The following CRIM1 variants were observed in gnomAD, a reference collection of about 807,000 sequenced individuals.
The protein encoded by CRIM1 is cysteine-rich motor neuron 1 protein.
In CRIM1, 32 loss-of-function variants were observed where a neutral mutation model predicts 116.4. The ratio of observed to expected loss-of-function variants is 0.27; its 90% CI spans 0.21 to 0.37. The LOEUF (loss-of-function observed/expected upper bound fraction) is 0.37, where lower values mean the gene tolerates loss of function less well. Ranked by LOEUF, CRIM1 falls within the 10% of genes least tolerant of loss-of-function variation. The pLI is 1.00. For synonymous variants in CRIM1, 590 were observed against 509.2 expected, an observed-to-expected ratio of 1.16 and a Z score of -2.13; for missense variants, 1,331 against 1,354.8, an observed-to-expected ratio of 0.98 and a Z score of 0.28.
At chr2:36,438,274 A>G (rs1291462858) in intron 2 of CRIM1, among the ~76,000 whole-genome samples, 1 of 152,250 alleles carries the variant, frequency 6.6e-6, no homozygotes, top group African/African-American at 2.4e-5. Context: ...ATGTAATAGA[A>G]TATGATAAGA....
Position 36,356,229 on chromosome 2 carries a change from A to C in CRIM1, c.-64A>C. 1 of 912,144 alleles carries C rather than the reference A, an allele frequency of 1.1e-6. No individual in the cohort carries two copies. Among genetic ancestry groups the C allele is most frequent in the Non-Finnish European group, 1.5e-6 (1 of 671,080 alleles). 56.5% of individuals were successfully genotyped at this position (912,144 alleles called of 1,614,324 possible). ...CGGCGGCGGCGCGTGTGCCCCGCGC[A>C]GGGGAGGGCGCCCGCCCCGCTCCCG... On this transcript the variant is annotated 5_prime_UTR_variant, in exon 1 of 17. Coordinates refer to ENST00000280527, the MANE Select transcript of CRIM1 (RefSeq NM_016441.3). The surrounding 1 kb of genome is among the most constrained non-coding windows in gnomAD (Gnocchi z 4.3).
intron 1 of CRIM1, among the ~76,000 whole-genome samples, chr2:36,381,207 A>G (rs1468005792): frequency 3.3e-5 from 5 of 152,278 alleles, no homozygotes; most frequent in Admixed American, 2.6e-4. Context: ...AGTGTCCTGG[A>G]TGGACCTGGC....
At chr2:36,477,742 A>C (rs1383016976) in intron 6 of CRIM1, among the ~76,000 whole-genome samples, 1 of 152,150 alleles carries the variant, frequency 6.6e-6, no homozygotes, top group Non-Finnish European at 1.5e-5. Flanking sequence ...TCTTCCCATC[A>C]CTGATGTTCA....
Position 36,537,549 on chromosome 2 carries a change from A to G in CRIM1, c.2623+3A>G. 1 of 1,596,872 alleles carries G rather than the reference A, an allele frequency of 6.3e-7. No homozygotes were observed. The highest frequency in any genetic ancestry group is 8.5e-7 in the Non-Finnish European group (1 of 1,171,182). On this transcript the variant is annotated splice_donor_region_variant and intron_variant, in intron 14 of 16. Coordinates refer to ENST00000280527, the MANE Select transcript of CRIM1 (RefSeq NM_016441.3). Reference sequence around the variant, plus strand: ...AAGTTGCTGCCCAATGTGTCCAGGTATCTAAGCCACCATCCTTCCATTTGT... The same window carrying G: ...AAGTTGCTGCCCAATGTGTCCAGGTGTCTAAGCCACCATCCTTCCATTTGT...
At chr2:36,534,916 G>A (rs1666430760) in intron 13 of CRIM1, among the ~76,000 whole-genome samples, 1 of 152,128 alleles carries the variant, frequency 6.6e-6, no homozygotes, top group Non-Finnish European at 1.5e-5. Context: ...CAAGGTTCAT[G>A]TAAAATATAA....
intron 2 of CRIM1, among the ~76,000 whole-genome samples, chr2:36,429,632 ATGG>A (rs537265514): frequency 2.0e-5 from 3 of 152,204 alleles, no homozygotes; most frequent in Non-Finnish European, 4.4e-5. Context: ...AGGAGAGAAG[ATGG>A]TGGAGCTTAC....
chr2:36,416,471 C>T (rs566987402), intron 2 of CRIM1, among the ~76,000 whole-genome samples: 49 of 152,082 alleles, frequency 3.2e-4, no homozygotes, highest in Non-Finnish European at 5.7e-4. Context: ...AACAGATTAT[C>T]AGAAAGTATC....
intron 1 of CRIM1, among the ~76,000 whole-genome samples, chr2:36,363,233 G>T (rs1449320800): frequency 1.3e-5 from 2 of 151,960 alleles, no homozygotes; most frequent in East Asian, 1.9e-4. Context: ...TTGGTTTCTG[G>T]GGTCAAATCT....
intron 6 of CRIM1, among the ~76,000 whole-genome samples, chr2:36,478,771 C>T (rs1679181068): frequency 2.0e-5 from 3 of 152,126 alleles, no homozygotes; most frequent in African/African-American, 7.2e-5. Flanking sequence ...TATCTGGTTG[C>T]TCTCAATAGA....
At chr2:36,392,934 A>G (rs1212226013) in intron 1 of CRIM1, among the ~76,000 whole-genome samples, 2 of 152,182 alleles carry the variant, frequency 1.3e-5, no homozygotes, top group Non-Finnish European at 2.9e-5. Context: ...GGGAATGGTC[A>G]CCTTTACCTG....
intron 4 of CRIM1, among the ~76,000 whole-genome samples, chr2:36,444,622 A>G (rs1487848208): frequency 6.6e-6 from 1 of 152,252 alleles, no homozygotes; most frequent in Non-Finnish European, 1.5e-5. Context: ...GAAAACATAG[A>G]GAAGGAAGTC....
intron 2 of CRIM1, among the ~76,000 whole-genome samples, chr2:36,416,375 C>T (rs1486597066): frequency 6.6e-6 from 1 of 152,098 alleles, no homozygotes; most frequent in African/African-American, 2.4e-5. Flanking sequence ...ATTGCCATTG[C>T]AAGCTTGTGA....
chr2:36,429,808 G>A (rs57431226), intron 2 of CRIM1, among the ~76,000 whole-genome samples: 23,966 of 152,174 alleles, frequency 0.16, 2,095 homozygotes, highest in East Asian at 0.46. Context: ...TTAAAAAAGC[G>A]TTTGCCTTGC....
At chr2:36,426,115 C>CA (rs1419314885) in intron 2 of CRIM1, among the ~76,000 whole-genome samples, 1 of 152,014 alleles carries the variant, frequency 6.6e-6, no homozygotes, top group Non-Finnish European at 1.5e-5. Flanking sequence ...GATTCTTTAC[C>CA]AAAAAACAGA....
chr2:36,380,329 G>A (rs1020827400), intron 1 of CRIM1, among the ~76,000 whole-genome samples: 1 of 152,128 alleles, frequency 6.6e-6, no homozygotes, highest in Admixed American at 6.5e-5. Context: ...TGTGTCAGAG[G>A]GATTCAGCAC....
intron 4 of CRIM1, among the ~76,000 whole-genome samples, chr2:36,463,212 ATTTCT>A (rs1451445423): frequency 6.6e-6 from 1 of 152,174 alleles, no homozygotes; most frequent in Non-Finnish European, 1.5e-5. Flanking sequence ...ACCTAAAGTA[ATTTCT>A]TTTCTAGTTC....
chr2:36,356,746 G>GGCCGCCGCCCCCAGGAGAGTGCC lies in CRIM1; in HGVS notation c.331+124_331+146dup. 1.1e-6 allele frequency: 1 copy of GGCCGCCGCCCCCAGGAGAGTGCC among 950,246 alleles called. No homozygotes were observed. Among genetic ancestry groups the GGCCGCCGCCCCCAGGAGAGTGCC allele is most frequent in the Non-Finnish European group, 1.5e-6 (1 of 653,580 alleles). The allele number at this position is 950,246 out of a possible 1,614,324, so 58.9% of individuals were successfully genotyped here. Reference sequence around the variant, plus strand: ...AAGAGGGCTCTGCGGGAAGAGGGGCGGCCGCCGCCCCCAGGAGAGTGCCCC... The same window carrying GGCCGCCGCCCCCAGGAGAGTGCC: ...AAGAGGGCTCTGCGGGAAGAGGGGCGGCCGCCGCCCCCAGGAGAGTGCCGCCGCCGCCCCCAGGAGAGTGCCCC... On this transcript the variant is annotated intron_variant, in intron 1 of 16. Transcript: ENST00000280527. The surrounding 1 kb of genome is among the most constrained non-coding windows in gnomAD (Gnocchi z 4.3).
chr2:36,402,842 C>T (rs1157461050), intron 2 of CRIM1, among the ~76,000 whole-genome samples: 2 of 151,806 alleles, frequency 1.3e-5, no homozygotes, highest in Admixed American at 1.3e-4. Context: ...GTGCCCTTTA[C>T]TAGAGGGAGG....
chr2:36,454,251 T>C (rs1306750253), intron 4 of CRIM1, among the ~76,000 whole-genome samples: 2 of 152,146 alleles, frequency 1.3e-5, no homozygotes, highest in African/African-American at 2.4e-5. Context: ...CTGTATTCTT[T>C]CTTGCCTTTG....
Sources: allele counts gnomAD v4.1 joint callset (sites outside exome capture counted in the v4.1 genomes callset), GRCh38; gene constraint gnomAD v4.1.1; non-coding constraint Gnocchi (gnomAD v3.1); transcripts MANE v1.5; gene names NCBI Gene and HGNC (gene_info 2026-07-23, HGNC 2026-07-21).